The following CDC14B variants were observed in gnomAD, a reference collection of about 807,000 sequenced individuals.
The protein encoded by CDC14B is dual specificity protein phosphatase CDC14B.
Under a neutral mutation model 64.2 loss-of-function variants are expected in CDC14B, and 22 were observed. The observed-to-expected ratio is 0.34, with a 90% CI of 0.24 to 0.49. CDC14B has a LOEUF of 0.49. Ranked by LOEUF, CDC14B falls within the 20% of genes least tolerant of loss-of-function variation. The pLI is 0.99. For synonymous variants in CDC14B, 191 were observed against 215.8 expected, an observed-to-expected ratio of 0.89 and a Z score of 1.01; for missense variants, 498 against 629.9, an observed-to-expected ratio of 0.79 and a Z score of 2.24.
At chr9:96,554,086 C>T (rs1341389669) in intron 4 of CDC14B, among the ~76,000 whole-genome samples, 2 of 152,168 alleles carry the variant, frequency 1.3e-5, no homozygotes, top group East Asian at 3.9e-4. Flanking sequence ...ATCCCTTGAA[C>T]CCAGGAGGCG....
chr9:96,515,063 T>G lies in CDC14B; in HGVS notation c.1344-5274A>C, dbSNP rs2131389536. 3.8e-6 allele frequency: 1 copy of G among 263,696 alleles called. No homozygotes were observed. Among genetic ancestry groups the G allele is most frequent in the Middle Eastern group, 1.9e-3 (1 of 524 alleles). The allele number at this position is 263,696 out of a possible 1,614,324, so 16.3% of individuals were successfully genotyped here. The stretch of plus-strand genomic sequence containing the variant: ...ATTTAGCATCAAGTGCTACACACTG[T>G]ACTTACTGTATTCCCTAAAGGGGAG... On this transcript the variant is annotated intron_variant, in intron 12 of 13. Coordinates refer to ENST00000375241, the MANE Select transcript of CDC14B (RefSeq NM_033331.4). This position sits in a 1 kb window ranked among gnomAD's most constrained non-coding sequence, Gnocchi z 4.3.
intron 1 of CDC14B, among the ~76,000 whole-genome samples, chr9:96,605,366 C>A (rs1846820450): frequency 6.6e-6 from 1 of 152,166 alleles, no homozygotes; most frequent in Non-Finnish European, 1.5e-5. Flanking sequence ...ATTCCCCACT[C>A]CCCAGCAAGA....
chr9:96,615,427 A>G (rs1847565687), intron 1 of CDC14B, among the ~76,000 whole-genome samples: 2 of 152,352 alleles, frequency 1.3e-5, no homozygotes, highest in South Asian at 2.1e-4. Context: ...ATACACACAC[A>G]CGAAGTATCC....
intron 4 of CDC14B, among the ~76,000 whole-genome samples, chr9:96,557,957 T>C (rs575701445): frequency 2.6e-5 from 4 of 152,240 alleles, no homozygotes; most frequent in Non-Finnish European, 5.9e-5. Context: ...TTTCCCAGGC[T>C]AGCCCTCAAA....
rs138315533 is a variant in CDC14B at position 96,500,508 on chromosome 9, C to A, written c.*3245G>T. 1.3e-5 allele frequency: 2 copies of A among 151,164 alleles called. No individual in the cohort carries two copies. The highest frequency in any genetic ancestry group is 3.9e-4 in the East Asian group (2 of 5,162). 9.4% of individuals were successfully genotyped at this position (151,164 alleles called of 1,614,324 possible). On this transcript the variant is annotated 3_prime_UTR_variant, in exon 14 of 14. Transcript: ENST00000375241. The stretch of plus-strand genomic sequence containing the variant: ...ATGAACATGTCTGCTGACAATTCTA[C>A]CAGGTAATTAAGGAGGTAATTTCCT...
intron 1 of CDC14B, among the ~76,000 whole-genome samples, chr9:96,616,495 G>A (rs1396436940): frequency 6.6e-6 from 1 of 152,164 alleles, no homozygotes; most frequent in Non-Finnish European, 1.5e-5. Context: ...GGAGACCAAG[G>A]CGGGCGGATC....
chr9:96,608,892 G>GACACAC (rs59953256), intron 1 of CDC14B, among the ~76,000 whole-genome samples: 22 of 144,660 alleles, frequency 1.5e-4, no homozygotes, highest in South Asian at 4.4e-4. Flanking sequence ...TTAAAACACA[G>GACACAC]ACACACACAC....
rs576852332 is a variant in CDC14B at position 96,493,617 on chromosome 9, G to A, written c.*81-365C>T. Among the ~76,000 whole-genome samples the A allele has an allele frequency of 2.0e-4, 30 of 152,254 alleles. No homozygotes were observed. In the South Asian group the frequency reaches 5.2e-3, roughly 26 times the overall value. ...GGCTGAGGTGGGAGGATTGCTTGAG[G>A]CCAGGAGCTCAAGACCAGCCTGAGC... On this transcript the variant is annotated intron_variant and NMD_transcript_variant, in intron 13 of 13. Coordinates refer to the CDC14B transcript ENST00000474602.
At chr9:96,598,771 A>G (rs1846245882) in intron 1 of CDC14B, among the ~76,000 whole-genome samples, 1 of 152,226 alleles carries the variant, frequency 6.6e-6, no homozygotes, top group Non-Finnish European at 1.5e-5. Context: ...CCTGATACAC[A>G]TCTGTATATA....
chr9:96,576,570 C>T (rs182793259), intron 1 of CDC14B, among the ~76,000 whole-genome samples: 150 of 141,534 alleles, frequency 1.1e-3, no homozygotes, highest in Non-Finnish European at 1.6e-3. Flanking sequence ...GATGCAGAGA[C>T]TGCAGGGAGC....
At chr9:96,528,521 CAAAAAAAA>C in intron 9 of CDC14B, among the ~76,000 whole-genome samples, 1 of 148,362 alleles carries the variant, frequency 6.7e-6, no homozygotes, top group Non-Finnish European at 1.5e-5. Context: ...AAGTCCATCT[CAAAAAAAA>C]GAAAAAAAAA....
chr9:96,593,081 A>C (rs1845876568), intron 1 of CDC14B, among the ~76,000 whole-genome samples: 1 of 152,082 alleles, frequency 6.6e-6, no homozygotes, highest in African/African-American at 2.4e-5. Flanking sequence ...GAATTTAAAA[A>C]CCCCATTTGT....
At chr9:96,609,597 G>T (rs904559742) in intron 1 of CDC14B, among the ~76,000 whole-genome samples, 1 of 152,060 alleles carries the variant, frequency 6.6e-6, no homozygotes, top group African/African-American at 2.4e-5. Context: ...TGAGCAAAAC[G>T]CAAAGAATGA....
chr9:96,618,702 CG>C, intron 1 of CDC14B: 1 of 437,088 alleles, frequency 2.3e-6, no homozygotes, highest in Non-Finnish European at 4.5e-6. Flanking sequence ...GGACGGGCAA[CG>C]CGGCGCCCAG....
intron 12 of CDC14B, among the ~76,000 whole-genome samples, chr9:96,512,856 T>A (rs573261312): frequency 2.0e-5 from 3 of 151,832 alleles, no homozygotes; most frequent in African/African-American, 4.8e-5. Flanking sequence ...TTTTTTTTTT[T>A]AAATACAACA....
At chr9:96,491,797 G>T (rs1350577608) in exon 14 of CDC14B, 1 of 152,290 alleles carries the variant, frequency 6.6e-6, no homozygotes, top group Admixed American at 6.5e-5. Context: ...GTTGAGTCAT[G>T]TGGTTGAAGA....
At chr9:96,554,473 T>C (rs1033493421) in intron 4 of CDC14B, among the ~76,000 whole-genome samples, 6 of 152,208 alleles carry the variant, frequency 3.9e-5, no homozygotes, top group African/African-American at 1.4e-4. Flanking sequence ...TAGTCTGTAA[T>C]ACATTAAGGA....
chr9:96,522,634 A>C, intron 11 of CDC14B, 31 bp from the exon 12 acceptor site: 1 of 1,407,326 alleles, frequency 7.1e-7, no homozygotes, highest in South Asian at 1.2e-5. Flanking sequence ...TGAGCTAATG[A>C]TTTAAGTTGC....
chr9:96,577,050 C>A (rs1399798484), intron 1 of CDC14B, among the ~76,000 whole-genome samples: 1 of 151,866 alleles, frequency 6.6e-6, no homozygotes, highest in African/African-American at 2.4e-5. Context: ...GTCAGGAGTT[C>A]GAGACCAGCC....
Sources: allele counts gnomAD v4.1 joint callset (sites outside exome capture counted in the v4.1 genomes callset), GRCh38; gene constraint gnomAD v4.1.1; non-coding constraint Gnocchi (gnomAD v3.1); transcripts MANE v1.5; gene names NCBI Gene and HGNC (gene_info 2026-07-23, HGNC 2026-07-21).